The following NXPE4 variants were observed in gnomAD, a reference collection of about 807,000 sequenced individuals.
NXPE4 encodes the protein neurexophilin and PC-esterase domain family member 4.
In NXPE4, 42 loss-of-function variants were observed where a neutral mutation model predicts 33.3. The ratio of observed to expected loss-of-function variants is 1.26; its 90% CI spans 0.98 to 1.63. The LOEUF is 1.63. Ranked by LOEUF, NXPE4 falls within the 40% of genes most tolerant of loss-of-function variation. The pLI is 0.00. For synonymous variants in NXPE4, 253 were observed against 234.9 expected (o/e 1.08, Z -0.71); for missense variants, 709 against 647.6 (o/e 1.09, Z -1.03).
the NXPE4 span, among the ~76,000 whole-genome samples, chr11:114,667,220 T>C: frequency 6.6e-6 from 1 of 152,150 alleles, no homozygotes; most frequent in East Asian, 1.9e-4. Flanking sequence ...GAAGGTATCT[T>C]TCTGAACTTT....
the NXPE4 span, among the ~76,000 whole-genome samples, chr11:114,634,238 T>G: frequency 6.6e-6 from 1 of 152,078 alleles, no homozygotes; most frequent in South Asian, 2.1e-4. Context: ...TTTTCATGTG[T>G]TTTTTGGCTG....
At chr11:114,623,554 G>A in the NXPE4 span, among the ~76,000 whole-genome samples, 2,614 of 152,046 alleles carry the variant, frequency 0.017, 26 homozygotes, top group Non-Finnish European at 0.027. Context: ...CAGATAATAC[G>A]TATTGCCTCA....
the NXPE4 span, among the ~76,000 whole-genome samples, chr11:114,608,035 C>T: frequency 6.7e-6 from 1 of 150,288 alleles, no homozygotes; most frequent in Admixed American, 6.7e-5. Flanking sequence ...CTGTTACCTG[C>T]TGGATAATAA....
chr11:114,596,618 G>C (rs1328748862), upstream of NXPE4, among the ~76,000 whole-genome samples: 1 of 152,082 alleles, frequency 6.6e-6, no homozygotes, highest in Non-Finnish European at 1.5e-5. Context: ...GTCTTTACTT[G>C]ATGACCTTTG....
the NXPE4 span, among the ~76,000 whole-genome samples, chr11:114,630,863 G>A: frequency 2.0e-5 from 3 of 151,764 alleles, no homozygotes; most frequent in Non-Finnish European, 4.4e-5. Flanking sequence ...AGTGGGCAAA[G>A]GACATGAACA....
At chr11:114,650,623 C>T in the NXPE4 span, among the ~76,000 whole-genome samples, 2 of 152,064 alleles carry the variant, frequency 1.3e-5, no homozygotes, top group African/African-American at 4.8e-5. Context: ...GACCTCTATC[C>T]CTAGGGAAGG....
chr11:114,630,240 G>C, the NXPE4 span, among the ~76,000 whole-genome samples: 8 of 151,860 alleles, frequency 5.3e-5, no homozygotes, highest in African/African-American at 1.7e-4. Context: ...AAAGAACAAA[G>C]CTGGAGGCAT....
the NXPE4 span, among the ~76,000 whole-genome samples, chr11:114,625,711 C>G: frequency 2.0e-5 from 3 of 152,142 alleles, no homozygotes; most frequent in African/African-American, 7.2e-5. Flanking sequence ...TCTACAGCTC[C>G]CAGCATGAGC....
the NXPE4 span, among the ~76,000 whole-genome samples, chr11:114,654,451 T>C: frequency 6.6e-6 from 1 of 151,960 alleles, no homozygotes. Flanking sequence ...TATTGACCCA[T>C]CTTCTATGTG....
chr11:114,604,758 T>G, the NXPE4 span, among the ~76,000 whole-genome samples: 65,687 of 149,938 alleles, frequency 0.44, 15,457 homozygotes, highest in African/African-American at 0.62. Context: ...ATTGCCTCAT[T>G]GGTAACCACT....
In NXPE4 at chr11:114,581,774, A is replaced by G; in HGVS notation, c.843T>C (p.Gly281=). The change falls in exon 4 of 6, where the codon GGT becomes GGC. Residue 281 remains glycine (G), a synonymous_variant. Transcript: ENST00000375478. ...TATTGAATTTTTCCATAATCTCTAC[A>G]CCCACATTTGACCTTAAAGACACAA... ...EKSLFERSNV[G]VEIMEKFNTI... is the part of the protein sequence containing the mutation. 1 of 1,609,690 alleles carries G rather than the reference A, an allele frequency of 6.2e-7. No homozygotes were observed. The highest frequency in any genetic ancestry group is 8.5e-7 in the Non-Finnish European group (1 of 1,177,732).
At chr11:114,623,100 C>G in the NXPE4 span, among the ~76,000 whole-genome samples, 1 of 152,092 alleles carries the variant, frequency 6.6e-6, no homozygotes, top group Admixed American at 6.6e-5. Context: ...TTAGCGTTGC[C>G]TGGCGGATAA....
At chr11:114,574,374 G>T (rs1358680629) in intron 5 of NXPE4, among the ~76,000 whole-genome samples, 1 of 151,794 alleles carries the variant, frequency 6.6e-6, no homozygotes, top group Non-Finnish European at 1.5e-5. Context: ...AGAAGTAAAT[G>T]AAACTGAAAC....
At chr11:114,587,469 T>G (rs1949332255) in intron 2 of NXPE4, among the ~76,000 whole-genome samples, 1 of 152,204 alleles carries the variant, frequency 6.6e-6, no homozygotes, top group Admixed American at 6.5e-5. Flanking sequence ...TCTCTCAAGA[T>G]CCATCTATTG....
At chr11:114,601,486 T>A in the NXPE4 span, among the ~76,000 whole-genome samples, 3 of 119,286 alleles carry the variant, frequency 2.5e-5, no homozygotes, top group Admixed American at 1.3e-4. Context: ...ATAAATTAAA[T>A]ATTTATTATA....
At chr11:114,579,579 AATG>A (rs1177853099) in intron 5 of NXPE4, among the ~76,000 whole-genome samples, 2 of 152,230 alleles carry the variant, frequency 1.3e-5, no homozygotes, top group Non-Finnish European at 2.9e-5. Flanking sequence ...TGATGACAGT[AATG>A]ATACCTTACA....
chr11:114,599,589 C>A (rs779354442), upstream of NXPE4, among the ~76,000 whole-genome samples: 2 of 152,140 alleles, frequency 1.3e-5, no homozygotes, highest in Non-Finnish European at 2.9e-5. Flanking sequence ...GTTCCACAGG[C>A]TATACAGGGA....
chr11:114,598,113 G>A (rs1352211683), upstream of NXPE4, among the ~76,000 whole-genome samples: 1 of 152,068 alleles, frequency 6.6e-6, no homozygotes, highest in Non-Finnish European at 1.5e-5. Flanking sequence ...ATTCTAAAAG[G>A]GAAAAATTGG....
the NXPE4 span, among the ~76,000 whole-genome samples, chr11:114,602,047 TTA>T: frequency 5.5e-5 from 5 of 91,282 alleles, no homozygotes; most frequent in Admixed American, 2.0e-4. Context: ...ATAATATATA[TTA>T]TATTATATAT....
Sources: allele counts gnomAD v4.1 joint callset (sites outside exome capture counted in the v4.1 genomes callset), GRCh38; gene constraint gnomAD v4.1.1; transcripts MANE v1.5; gene names NCBI Gene and HGNC (gene_info 2026-07-23, HGNC 2026-07-21).